GRIK1: variants seen among roughly 807,000 people sequenced by gnomAD.
The protein encoded by GRIK1 is glutamate receptor ionotropic, kainate 1.
A neutral mutation model predicts 105.7 loss-of-function variants in GRIK1; 69 were observed. The ratio of observed to expected loss-of-function variants is 0.65; its 90% CI spans 0.54 to 0.80. The LOEUF (loss-of-function observed/expected upper bound fraction) is 0.80, where lower values mean the gene tolerates loss of function less well. GRIK1 is among the 30% of genes least tolerant of loss of function. GRIK1 has a pLI of 0.00. For synonymous variants in GRIK1, 438 were observed against 431.3 expected, an observed-to-expected ratio of 1.02 and a Z score of -0.19; for missense variants, 1,109 against 1,167.3, an observed-to-expected ratio of 0.95 and a Z score of 0.73.
intron 1 of GRIK1, among the ~76,000 whole-genome samples, chr21:29,819,296 T>C (rs2067235891): frequency 6.6e-6 from 1 of 152,110 alleles, no homozygotes; most frequent in Admixed American, 6.6e-5. Context: ...CTGCAGTTTA[T>C]GCATAAAGGC....
intron 1 of GRIK1, among the ~76,000 whole-genome samples, chr21:29,794,278 A>G (rs917568463): frequency 6.6e-6 from 1 of 152,192 alleles, no homozygotes. Flanking sequence ...GTGCATAGAA[A>G]TCATCAATTA....
At chr21:29,694,200 C>G in intron 1 of GRIK1, 137 bp from the exon 2 acceptor site, 1 of 610,874 alleles carries the variant, frequency 1.6e-6, no homozygotes. Context: ...TCTCAGCTCA[C>G]TGCAACCTCC....
chr21:29,905,885 C>T (rs1178903007), intron 1 of GRIK1, among the ~76,000 whole-genome samples: 1 of 152,140 alleles, frequency 6.6e-6, no homozygotes, highest in Non-Finnish European at 1.5e-5. Flanking sequence ...ACCTCGGCCT[C>T]CCAAAGTGCT....
At chr21:29,747,808 ACAGAGCATGACTC>A (rs2065084040) in intron 1 of GRIK1, among the ~76,000 whole-genome samples, 1 of 152,226 alleles carries the variant, frequency 6.6e-6, no homozygotes, top group Non-Finnish European at 1.5e-5. Context: ...CAGCCTGGCG[ACAGAGCATGACTC>A]CATCTCAAAG....
intron 1 of GRIK1, among the ~76,000 whole-genome samples, chr21:29,771,081 ACT>A: frequency 6.6e-6 from 1 of 152,334 alleles, no homozygotes; most frequent in African/African-American, 2.4e-5. Flanking sequence ...TCTACATGTA[ACT>A]CTATCAAAAT....
At chr21:29,831,621 C>A (rs945337459) in intron 1 of GRIK1, among the ~76,000 whole-genome samples, 6 of 151,966 alleles carry the variant, frequency 3.9e-5, no homozygotes, top group Non-Finnish European at 2.9e-5. Flanking sequence ...TTTTAAACAA[C>A]CAGATCTCAT....
chr21:29,578,971 C>A (rs1032323427), intron 13 of GRIK1, among the ~76,000 whole-genome samples: 1 of 151,954 alleles, frequency 6.6e-6, no homozygotes, highest in Non-Finnish European at 1.5e-5. Context: ...TAAATTTATT[C>A]TTTCATTATT....
chr21:29,904,421 C>T (rs985311708), intron 1 of GRIK1, among the ~76,000 whole-genome samples: 6 of 151,886 alleles, frequency 4.0e-5, no homozygotes, highest in Admixed American at 1.3e-4. Context: ...GTAAAATCAG[C>T]AAGAGCAGGG....
intron 1 of GRIK1, among the ~76,000 whole-genome samples, chr21:29,774,113 C>A (rs536505146): frequency 6.6e-6 from 1 of 152,058 alleles, no homozygotes; most frequent in Admixed American, 6.6e-5. Flanking sequence ...CCTACTGTAC[C>A]CTTCAATTTC....
intron 1 of GRIK1, among the ~76,000 whole-genome samples, chr21:29,872,256 C>A (rs546490658): frequency 7.0e-6 from 1 of 143,816 alleles, no homozygotes; most frequent in Non-Finnish European, 1.5e-5. Context: ...TGCAGTGGTG[C>A]GATCTTGGCT....
At position 29,576,995 on chromosome 21, in the gene GRIK1, A is replaced by G. The variant is rs745805658; in HGVS notation, c.2099T>C (p.Val700Ala). The part of the protein sequence containing the change: ...AKQTKIEYGA[V>A]RDGSTMTFFK... ...GAAGGTCATTGTTGATCCATCTCTA[A>G]CCGCCCCATATTCTATCTTGGTTTG... The change falls in exon 14 of 18, where the codon GTT becomes GCT. Residue 700 changes from valine (V) to alanine (A), a missense_variant. Transcript: ENST00000327783. 6.2e-7 allele frequency: 1 copy of G among 1,612,382 alleles called. No homozygotes were observed. Among genetic ancestry groups the G allele is most frequent in the South Asian group, 1.1e-5 (1 of 91,022 alleles).
intron 1 of GRIK1, among the ~76,000 whole-genome samples, chr21:29,834,941 A>ACTTTCT (rs2067746996): frequency 6.6e-6 from 1 of 151,114 alleles, no homozygotes; most frequent in Non-Finnish European, 1.5e-5. Flanking sequence ...CTCTTGTCTT[A>ACTTTCT]CTTTCTCTTT....
chr21:29,736,936 C>T (rs1238747481), intron 1 of GRIK1, among the ~76,000 whole-genome samples: 1 of 152,142 alleles, frequency 6.6e-6, no homozygotes, highest in African/African-American at 2.4e-5. Flanking sequence ...ACCTCGGCCT[C>T]CCAGAGTGCT....
chr21:29,627,561 CA>C (rs1367800771), intron 7 of GRIK1, among the ~76,000 whole-genome samples: 1 of 152,174 alleles, frequency 6.6e-6, no homozygotes, highest in Non-Finnish European at 1.5e-5. Flanking sequence ...TGGCCTTGAG[CA>C]GGTCACATGA....
At chr21:29,849,139 C>T (rs1187491855) in intron 1 of GRIK1, among the ~76,000 whole-genome samples, 1 of 134,376 alleles carries the variant, frequency 7.4e-6, no homozygotes. Flanking sequence ...TTTCATGTCC[C>T]AGACTGTATT....
At chr21:29,762,204 AT>A (rs1267564986) in intron 1 of GRIK1, among the ~76,000 whole-genome samples, 1 of 152,202 alleles carries the variant, frequency 6.6e-6, no homozygotes, top group African/African-American at 2.4e-5. Context: ...GTTAACAGAT[AT>A]TCTGTCTTTG....
rs1601710021 is a variant in GRIK1, at chr21:29,792,543, G to A, written c.119-98480C>T. On this transcript the variant is annotated intron_variant, in intron 1 of 17. Coordinates refer to ENST00000327783, the MANE Select transcript of GRIK1 (RefSeq NM_001330994.2). ...CAAAAGCAAGTTTCATCCCAAGTAC[G>A]CAGTAGGCACTCCATAAATGTATGC... Among the ~76,000 whole-genome samples the A allele has an allele frequency of 2.0e-5, 3 of 152,190 alleles. No individual in the cohort carries two copies. The South Asian group carries it at 6.2e-4, about 32-fold the overall frequency.
intron 1 of GRIK1, among the ~76,000 whole-genome samples, chr21:29,770,003 A>C (rs1489935964): frequency 6.6e-6 from 1 of 152,156 alleles, no homozygotes; most frequent in East Asian, 1.9e-4. Flanking sequence ...TGTTTTTTAT[A>C]GTAGTTCACC....
Position 29,560,296 on chromosome 21 carries a change from T to TTTCTTTCC in GRIK1, c.2356+1327_2356+1328insGGAAAGAA, listed in dbSNP as rs1296724213. ...TGATACAGTTTTCTTTCTTTCTTTC[T>TTTCTTTCC]TTCTTTCTTTCTTTCTTTCTTTCTT... On this transcript the variant is annotated intron_variant, in intron 15 of 17. Transcript: ENST00000327783. 3.2e-5 allele frequency among the ~76,000 whole-genome samples: 3 copies of TTTCTTTCC among 92,968 alleles called. No homozygotes were observed. In the East Asian group the frequency reaches 8.6e-4, roughly 27 times the overall value. The allele number at this position is 92,968 out of a possible 152,430, so 61.0% of individuals were successfully genotyped here. A position where few individuals can be genotyped will look rare whatever the true frequency, so the allele number is the denominator to read the frequency against.
Sources: allele counts gnomAD v4.1 joint callset (sites outside exome capture counted in the v4.1 genomes callset), GRCh38; gene constraint gnomAD v4.1.1; transcripts MANE v1.5; gene names NCBI Gene and HGNC (gene_info 2026-07-23, HGNC 2026-07-21).